The following DGKB variants were observed in gnomAD, a reference collection of about 807,000 sequenced individuals.
DGKB encodes 90 kDa diacylglycerol kinase.
DGKB carries 67 observed loss-of-function variants against 114.3 expected under a neutral mutation model. The observed-to-expected ratio is 0.59, with a 90% CI of 0.48 to 0.72. The LOEUF (loss-of-function observed/expected upper bound fraction) is 0.72. Among genes scored for constraint, DGKB ranks in the 30% least tolerant of loss-of-function variants. The probability of loss-of-function intolerance (pLI) is 0.00; values close to 1 mark genes in which losing one functional copy is unlikely to be tolerated. For missense variants in DGKB, 907 were observed against 975.2 expected, an observed-to-expected ratio of 0.93 and a Z score of 0.93; for synonymous variants, 398 against 323.1, an observed-to-expected ratio of 1.23 and a Z score of -2.49.
intron 20 of DGKB, among the ~76,000 whole-genome samples, chr7:14,558,903 A>G (rs541230901): frequency 3.3e-5 from 5 of 152,190 alleles, no homozygotes; most frequent in Non-Finnish European, 5.9e-5. Flanking sequence ...TAAGGCTCTA[A>G]CAAAGCCAAA....
chr7:14,865,999 C>G (rs1308440120), intron 1 of DGKB, among the ~76,000 whole-genome samples: 2 of 152,008 alleles, frequency 1.3e-5, no homozygotes, highest in East Asian at 3.8e-4. Context: ...TACAAAAATA[C>G]AGATCATAAT....
intron 21 of DGKB, among the ~76,000 whole-genome samples, chr7:14,429,814 G>A (rs1402003031): frequency 2.6e-5 from 4 of 152,144 alleles, no homozygotes; most frequent in African/African-American, 7.2e-5. Context: ...CCAGCTACTC[G>A]GAAGCCTGAG....
intron 20 of DGKB, among the ~76,000 whole-genome samples, chr7:14,508,518 GA>G (rs1168663480): frequency 1.3e-5 from 2 of 152,142 alleles, no homozygotes; most frequent in Non-Finnish European, 2.9e-5. Context: ...ATTTTATTGA[GA>G]AAAGAATAAA....
At chr7:14,796,884 G>C (rs1471148015) in intron 2 of DGKB, among the ~76,000 whole-genome samples, 1 of 151,934 alleles carries the variant, frequency 6.6e-6, no homozygotes, top group East Asian at 1.9e-4. Flanking sequence ...CCACCTTATA[G>C]TCTTGATTTG....
At chr7:14,729,337 T>C (rs910926663) in intron 5 of DGKB, among the ~76,000 whole-genome samples, 104 of 152,008 alleles carry the variant, frequency 6.8e-4, no homozygotes, top group Admixed American at 2.9e-3. Context: ...TTAGCCAGGA[T>C]GGTCTCGATC....
At chr7:14,855,994 T>TATATA (rs1850090131) in intron 1 of DGKB, among the ~76,000 whole-genome samples, 1 of 29,936 alleles carries the variant, frequency 3.3e-5, no homozygotes, top group Non-Finnish European at 5.0e-5. Context: ...TGTGTATATA[T>TATATA]ATATATATAC....
At chr7:14,817,186 G>A (rs774904198) in intron 2 of DGKB, among the ~76,000 whole-genome samples, 2 of 151,986 alleles carry the variant, frequency 1.3e-5, no homozygotes, top group Admixed American at 6.6e-5. Flanking sequence ...ATAATATTGC[G>A]TTATGGTTGC....
chr7:14,790,902 C>A (rs9692356), intron 2 of DGKB, among the ~76,000 whole-genome samples: 2 of 151,946 alleles, frequency 1.3e-5, no homozygotes, highest in Non-Finnish European at 2.9e-5. Flanking sequence ...TTAGGGAGAA[C>A]TGCCATCTTT....
chr7:14,254,829 TCC>T (rs1207232357), intron 23 of DGKB, among the ~76,000 whole-genome samples: 1 of 152,162 alleles, frequency 6.6e-6, no homozygotes, highest in Admixed American at 6.5e-5. Flanking sequence ...CTGAGATTTT[TCC>T]TCTTTACCCC....
chr7:14,447,948 T>A (rs1441325352), intron 21 of DGKB, among the ~76,000 whole-genome samples: 1 of 152,116 alleles, frequency 6.6e-6, no homozygotes, highest in African/African-American at 2.4e-5. Context: ...CAGAGTGACA[T>A]TTAAATGCCA....
At chr7:14,955,799 A>C (rs1022850160) in intron 1 of DGKB, among the ~76,000 whole-genome samples, 1 of 152,076 alleles carries the variant, frequency 6.6e-6, no homozygotes, top group African/African-American at 2.4e-5. Flanking sequence ...GATATGTGGA[A>C]TCATAAGTAT....
intron 20 of DGKB, among the ~76,000 whole-genome samples, chr7:14,531,055 T>TAG (rs1247594405): frequency 1.3e-5 from 2 of 151,582 alleles, no homozygotes; most frequent in Non-Finnish European, 3.0e-5. Context: ...CATTTCTATA[T>TAG]TAGAAAATAC....
At chr7:14,514,048 A>C (rs1788389571) in intron 20 of DGKB, among the ~76,000 whole-genome samples, 1 of 152,056 alleles carries the variant, frequency 6.6e-6, no homozygotes, top group South Asian at 2.1e-4. Flanking sequence ...CATAAGATAA[A>C]TGATAAATGT....
At chr7:14,372,994 C>G (rs6963946) in intron 21 of DGKB, among the ~76,000 whole-genome samples, 84,407 of 152,020 alleles carry the variant, frequency 0.56, 24,170 homozygotes, top group East Asian at 0.65. Context: ...AAGGCCACAA[C>G]TCTACGTTTG....
intron 1 of DGKB, among the ~76,000 whole-genome samples, chr7:14,902,021 C>A (rs1783165479): frequency 6.6e-6 from 1 of 152,092 alleles, no homozygotes; most frequent in African/African-American, 2.4e-5. Flanking sequence ...CCATGTGGCA[C>A]CCACTGAAGA....
intron 21 of DGKB, among the ~76,000 whole-genome samples, chr7:14,388,842 A>G (rs1820856099): frequency 6.6e-6 from 1 of 152,136 alleles, no homozygotes; most frequent in Admixed American, 6.5e-5. Flanking sequence ...CAGAGACAAA[A>G]TCAGAAGCTT....
At chr7:14,775,891 G>A (rs1838096988) in intron 2 of DGKB, among the ~76,000 whole-genome samples, 1 of 152,110 alleles carries the variant, frequency 6.6e-6, no homozygotes, top group Non-Finnish European at 1.5e-5. Context: ...ATGTGGAAGT[G>A]ACTTTGGAAC....
At chr7:14,280,302 T>C (rs906461414) in intron 23 of DGKB, among the ~76,000 whole-genome samples, 2 of 151,256 alleles carry the variant, frequency 1.3e-5, no homozygotes, top group African/African-American at 4.9e-5. Flanking sequence ...AGAAGGAAAG[T>C]TTAGAGAGAA....
At chr7:14,171,148 T>A (rs1420521873) in intron 25 of DGKB, among the ~76,000 whole-genome samples, 1 of 152,114 alleles carries the variant, frequency 6.6e-6, no homozygotes, top group African/African-American at 2.4e-5. Flanking sequence ...GGCAAACAGG[T>A]TTAAGATCTT....
Sources: allele counts gnomAD v4.1 joint callset (sites outside exome capture counted in the v4.1 genomes callset), GRCh38; gene constraint gnomAD v4.1.1; transcripts MANE v1.5; gene names NCBI Gene and HGNC (gene_info 2026-07-23, HGNC 2026-07-21).